Variants in ITPR2 observed in about 807,000 individuals in gnomAD.
ITPR2 encodes the protein inositol 1,4,5-trisphosphate receptor type 2.
Under a neutral mutation model 317.1 loss-of-function variants are expected in ITPR2, and 207 were observed. The ratio of observed to expected loss-of-function variants is 0.65; its 90% CI spans 0.58 to 0.73. The LOEUF (loss-of-function observed/expected upper bound fraction) is 0.73, where lower values mean the gene tolerates loss of function less well. Ranked by LOEUF, ITPR2 falls within the 30% of genes least tolerant of loss-of-function variation. ITPR2 has a pLI of 0.00. For missense variants in ITPR2, 2,613 were observed against 3,284.0 expected, an observed-to-expected ratio of 0.80 and a Z score of 4.99; for synonymous variants, 1,156 against 1,149.1, an observed-to-expected ratio of 1.01 and a Z score of -0.12.
chr12:26,655,826 C>T lies in ITPR2; in HGVS notation c.2471G>A (p.Arg824Lys). 6.2e-7 allele frequency: 1 copy of T among 1,611,314 alleles called. No individual in the cohort carries two copies. Among genetic ancestry groups the T allele is most frequent in the Non-Finnish European group, 8.5e-7 (1 of 1,178,514 alleles). Reference sequence around the variant, plus strand: ...GGCAAATTTCCTCTTCATATCATTTCTGGAAGAGTCTGTTATAGAATCATA... The same window carrying T: ...GGCAAATTTCCTCTTCATATCATTTTTGGAAGAGTCTGTTATAGAATCATA... ...HEYDSITDSS[R>K]NDMKRKFALT... is the part of the protein sequence containing the mutation. The change falls in exon 20 of 57, where the codon AGA becomes AAA. Residue 824 changes from arginine (R) to lysine (K), a missense_variant. Physicochemically the swap from Arg to Lys is conservative, Grantham distance 26. Around this residue, in one of 9 missense-constraint regions of ITPR2, gnomAD observed 817 missense variants for 897.6 expected, o/e 0.91. Transcript: ENST00000381340.
At chr12:26,671,071 G>T (rs201594554) in intron 13 of ITPR2, among the ~76,000 whole-genome samples, 2 of 151,348 alleles carry the variant, frequency 1.3e-5, no homozygotes, top group East Asian at 4.0e-4. Context: ...ATCTACGTCT[G>T]ATTGGTGTAC....
chr12:26,812,845 A>T (rs1481750593), intron 1 of ITPR2, among the ~76,000 whole-genome samples: 15 of 152,254 alleles, frequency 9.9e-5, no homozygotes, highest in Admixed American at 7.2e-4. Context: ...CTCTGCAAAC[A>T]ACACTGCCTT....
chr12:26,663,909 T>A, intron 14 of ITPR2, 63 bp from the exon 15 acceptor site: 11 of 1,379,998 alleles, frequency 8.0e-6, no homozygotes, highest in Non-Finnish European at 9.8e-6. Flanking sequence ...CTTTTTTTTT[T>A]AACAAATAAG....
intron 32 of ITPR2, among the ~76,000 whole-genome samples, chr12:26,582,178 CTTATA>C (rs942268521): frequency 3.6e-4 from 55 of 152,206 alleles, no homozygotes; most frequent in African/African-American, 1.3e-3. Context: ...CACCTTGCAT[CTTATA>C]TTATAATATC....
intron 25 of ITPR2, 25 bp from the exon 26 acceptor site, chr12:26,621,321 A>T: frequency 6.5e-7 from 1 of 1,543,526 alleles, no homozygotes; most frequent in Non-Finnish European, 8.9e-7. Context: ...TTTCAATCTT[A>T]GTTGAAGTTC....
At chr12:26,566,353 G>A (rs1312442082) in intron 34 of ITPR2, among the ~76,000 whole-genome samples, 1 of 138,702 alleles carries the variant, frequency 7.2e-6, no homozygotes, top group Admixed American at 7.2e-5. Flanking sequence ...AGAAGGGGAA[G>A]AGGAAAGAGA....
At chr12:26,450,487 G>T (rs1532720) in intron 45 of ITPR2, among the ~76,000 whole-genome samples, 6 of 151,988 alleles carry the variant, frequency 3.9e-5, no homozygotes, top group Non-Finnish European at 8.8e-5. Flanking sequence ...TGGTCTTCCC[G>T]AATACTGATG....
intron 26 of ITPR2, among the ~76,000 whole-genome samples, chr12:26,604,180 A>G (rs543502230): frequency 6.3e-4 from 96 of 152,348 alleles, no homozygotes; most frequent in African/African-American, 2.2e-3. Flanking sequence ...TGCTGATGAA[A>G]GGCTTCAAGC....
At chr12:26,441,028 G>A (rs1300023591) in intron 46 of ITPR2, among the ~76,000 whole-genome samples, 4 of 152,164 alleles carry the variant, frequency 2.6e-5, no homozygotes, top group Non-Finnish European at 4.4e-5. Flanking sequence ...ACCCCAACAG[G>A]TAAGAGCTTG....
intron 1 of ITPR2, among the ~76,000 whole-genome samples, chr12:26,829,680 GA>G (rs1055985649): frequency 6.6e-6 from 1 of 152,250 alleles, no homozygotes; most frequent in African/African-American, 2.4e-5. Flanking sequence ...CTATTCCAGT[GA>G]AGGCCAGGAA....
chr12:26,656,156 T>A lies in ITPR2; in HGVS notation c.2444+141A>T, dbSNP rs1024520131. 8 of 1,084,960 alleles carry A rather than the reference T, an allele frequency of 7.4e-6. No homozygotes were observed. In the African/African-American group the frequency reaches 1.3e-4, roughly 17 times the overall value. 67.2% of individuals were successfully genotyped at this position (1,084,960 alleles called of 1,614,324 possible). ...ATCATTTCACCCTTCAAAACGAGTA[T>A]CTTATTTGCATTTAGAAGATTAACA... On this transcript the variant is annotated intron_variant, in intron 19 of 56. Coordinates refer to ENST00000381340, the MANE Select transcript of ITPR2 (RefSeq NM_002223.4).
chr12:26,467,492 G>C (rs1465614095), intron 45 of ITPR2, among the ~76,000 whole-genome samples: 3 of 152,136 alleles, frequency 2.0e-5, no homozygotes, highest in African/African-American at 7.2e-5. Context: ...TCCTTTTCCT[G>C]GAAAAACTAA....
intron 2 of ITPR2, among the ~76,000 whole-genome samples, chr12:26,782,037 TAGAGAGAGAGA>T (rs1950102703): frequency 7.7e-5 from 4 of 51,736 alleles, no homozygotes; most frequent in African/African-American, 2.3e-4. Context: ...TATATATGTA[TAGAGAGAGAGA>T]GAGAGAGAGA....
chr12:26,367,639 C>A (rs1431525633), intron 55 of ITPR2, among the ~76,000 whole-genome samples: 3 of 152,100 alleles, frequency 2.0e-5, no homozygotes, highest in Non-Finnish European at 2.9e-5. Context: ...GGCAATACAG[C>A]CAAACTAATA....
intron 55 of ITPR2, among the ~76,000 whole-genome samples, chr12:26,355,126 A>G (rs1938594409): frequency 1.3e-5 from 2 of 152,214 alleles, no homozygotes; most frequent in Admixed American, 1.3e-4. Context: ...GATGCATGCT[A>G]AAGTTTGAGA....
intron 1 of ITPR2, among the ~76,000 whole-genome samples, chr12:26,823,786 C>T (rs1190253386): frequency 1.3e-5 from 2 of 152,064 alleles, no homozygotes; most frequent in African/African-American, 4.8e-5. Flanking sequence ...GAGAGCTAAT[C>T]CATCTATTTC....
At chr12:26,437,369 T>C (rs1439835724) in intron 47 of ITPR2, among the ~76,000 whole-genome samples, 2 of 152,228 alleles carry the variant, frequency 1.3e-5, no homozygotes, top group African/African-American at 4.8e-5. Context: ...TACTTCTCTT[T>C]AGTACATCTT....
At chr12:26,716,746 G>A (rs896242426) in intron 5 of ITPR2, among the ~76,000 whole-genome samples, 1 of 152,152 alleles carries the variant, frequency 6.6e-6, no homozygotes, top group African/African-American at 2.4e-5. Context: ...ATGTCAGCTC[G>A]ATTCAGGAAA....
intron 45 of ITPR2, among the ~76,000 whole-genome samples, chr12:26,449,530 A>G (rs1941689217): frequency 2.6e-5 from 4 of 152,214 alleles, no homozygotes. Context: ...AATTAAAACA[A>G]TGATAGACAT....
Sources: gnomAD v4.1 joint callset for allele counts (sites outside exome capture counted in the v4.1 genomes callset) on GRCh38, gnomAD v4.1.1 for gene constraint, gnomAD v4.1.1 regional missense constraint, MANE v1.5 for transcripts, NCBI Gene and HGNC (gene_info 2026-07-23, HGNC 2026-07-21) for gene names.